Variants in PRKCE observed in about 807,000 individuals in gnomAD.
The protein encoded by PRKCE is protein kinase C epsilon type.
PRKCE carries 16 observed loss-of-function variants against 85.4 expected under a neutral mutation model. The ratio of observed to expected loss-of-function variants is 0.19; its 90% CI spans 0.13 to 0.28. The LOEUF (loss-of-function observed/expected upper bound fraction) is 0.28, where lower values mean the gene tolerates loss of function less well. Among genes scored for constraint, PRKCE ranks in the 10% least tolerant of loss-of-function variants. PRKCE has a pLI of 1.00. For synonymous variants in PRKCE, 388 were observed against 371.5 expected, an observed-to-expected ratio of 1.04 and a Z score of -0.51; for missense variants, 573 against 975.2, an observed-to-expected ratio of 0.59 and a Z score of 5.49.
At chr2:45,784,378 C>A (rs1209900851) in intron 1 of PRKCE, among the ~76,000 whole-genome samples, 1 of 152,218 alleles carries the variant, frequency 6.6e-6, no homozygotes, top group African/African-American at 2.4e-5. Context: ...AGTGGGCTGG[C>A]TGTGAATCTA....
intron 2 of PRKCE, among the ~76,000 whole-genome samples, chr2:45,868,400 A>T (rs899047103): frequency 1.3e-5 from 2 of 150,430 alleles, no homozygotes; most frequent in Non-Finnish European, 3.0e-5. Flanking sequence ...GATTAAATGA[A>T]TGTACACTAA....
chr2:45,908,739 G>A (rs1697167801), intron 2 of PRKCE, among the ~76,000 whole-genome samples: 1 of 152,152 alleles, frequency 6.6e-6, no homozygotes, highest in African/African-American at 2.4e-5. Context: ...GGAAGAGGCC[G>A]ATAAGGTCCC....
chr2:46,058,634 G>A (rs925833869), intron 10 of PRKCE, among the ~76,000 whole-genome samples: 1 of 152,112 alleles, frequency 6.6e-6, no homozygotes, highest in Non-Finnish European at 1.5e-5. Flanking sequence ...ATCAAGACAG[G>A]CCTCGACACT....
At chr2:46,147,847 G>A (rs1248739324) in intron 12 of PRKCE, among the ~76,000 whole-genome samples, 1 of 152,208 alleles carries the variant, frequency 6.6e-6, no homozygotes, top group African/African-American at 2.4e-5. Flanking sequence ...GACCACAAAT[G>A]TACACATGAG....
intron 2 of PRKCE, among the ~76,000 whole-genome samples, chr2:45,863,279 C>T (rs1189198535): frequency 4.6e-5 from 7 of 152,186 alleles, no homozygotes; most frequent in Non-Finnish European, 8.8e-5. Flanking sequence ...ACTGTGTTGC[C>T]TATATAATGT....
At chr2:45,853,812 T>C (rs1027920321) in intron 2 of PRKCE, among the ~76,000 whole-genome samples, 50 of 152,220 alleles carry the variant, frequency 3.3e-4, no homozygotes, top group Non-Finnish European at 5.7e-4. Flanking sequence ...TGGATCTGAA[T>C]GTTTAAGCTT....
In PRKCE at chr2:45,905,918, G is replaced by C. The variant is rs770766090; in HGVS notation, c.412+62855G>C. On this transcript the variant is annotated intron_variant, in intron 2 of 14. Coordinates refer to ENST00000306156, the MANE Select transcript of PRKCE (RefSeq NM_005400.3). This position sits in a 1 kb window ranked among gnomAD's most constrained non-coding sequence, Gnocchi z 4.4. ...CCTGGGAGGAAGGATGTGCTTGTGC[G>C]GGGTATGGTGTCTGCCCACATGAAG... 1.3e-5 allele frequency among the ~76,000 whole-genome samples: 2 copies of C among 152,206 alleles called. No homozygotes were observed. Among genetic ancestry groups the C allele is most frequent in the African/African-American group, 2.4e-5 (1 of 41,444 alleles).
chr2:45,676,582 G>A (rs917143299), intron 1 of PRKCE, among the ~76,000 whole-genome samples: 1 of 152,240 alleles, frequency 6.6e-6, no homozygotes, highest in African/African-American at 2.4e-5. Flanking sequence ...AAGTAGCCCA[G>A]TCCGTACAAA....
intron 10 of PRKCE, among the ~76,000 whole-genome samples, chr2:46,065,491 C>A (rs1377160980): frequency 6.6e-6 from 1 of 152,162 alleles, no homozygotes; most frequent in Non-Finnish European, 1.5e-5. Context: ...AAGAACACAA[C>A]AATTTTGGTA....
At chr2:45,757,720 G>GT (rs1049131354) in intron 1 of PRKCE, among the ~76,000 whole-genome samples, 8 of 152,094 alleles carry the variant, frequency 5.3e-5, no homozygotes, top group African/African-American at 1.9e-4. Flanking sequence ...TTCAATGCAA[G>GT]TCAGTTAAAC....
intron 1 of PRKCE, among the ~76,000 whole-genome samples, chr2:45,715,494 C>G (rs988200329): frequency 2.6e-5 from 4 of 152,188 alleles, no homozygotes; most frequent in African/African-American, 9.7e-5. Flanking sequence ...GAAATCCCTC[C>G]CCTCTTGCTT....
chr2:45,718,622 A>G (rs1022206322), intron 1 of PRKCE, among the ~76,000 whole-genome samples: 3 of 152,108 alleles, frequency 2.0e-5, no homozygotes, highest in Non-Finnish European at 4.4e-5. Flanking sequence ...GATTATAGGC[A>G]TGAGCCACTG....
intron 2 of PRKCE, among the ~76,000 whole-genome samples, chr2:45,890,703 A>G (rs1197451258): frequency 2.0e-5 from 3 of 152,168 alleles, no homozygotes; most frequent in Non-Finnish European, 2.9e-5. Context: ...TCTAAACATC[A>G]TAGTAATATG....
chr2:45,748,819 T>C (rs950628416), intron 1 of PRKCE, among the ~76,000 whole-genome samples: 1 of 152,130 alleles, frequency 6.6e-6, no homozygotes, highest in Admixed American at 6.5e-5. Flanking sequence ...ATGAGAGATG[T>C]TGTGCCTTTG....
intron 10 of PRKCE, among the ~76,000 whole-genome samples, chr2:46,066,577 T>C (rs1667644477): frequency 6.6e-6 from 1 of 152,238 alleles, no homozygotes; most frequent in African/African-American, 2.4e-5. Context: ...AAGTTATTTC[T>C]AGTGCTTGGG....
rs138647123 is a variant in PRKCE, at chr2:46,064,568, C to T, written c.1438-21640C>T. ...TTTCATCAGCAGCTTGCACCAGAAGCAGAGTCTGACTGAATATTATCTCCT... is the reference window on the plus strand; with the variant it reads ...TTTCATCAGCAGCTTGCACCAGAAGTAGAGTCTGACTGAATATTATCTCCT... On this transcript the variant is annotated intron_variant, in intron 10 of 14. Transcript: ENST00000306156. Among the ~76,000 whole-genome samples, 140 of 152,288 alleles carry T rather than the reference C, an allele frequency of 9.2e-4. 1 individual carries two copies. The highest frequency in any genetic ancestry group is 3.4e-3 in the African/African-American group (140 of 41,552).
rs150553435 is a variant in PRKCE at position 46,007,082 on chromosome 2, A to G, written c.1064-380A>G. On this transcript the variant is annotated intron_variant, in intron 8 of 14. Coordinates refer to ENST00000306156, the MANE Select transcript of PRKCE (RefSeq NM_005400.3). ...TTCGTTGTTCTCATCTTCAGAGGAA[A>G]CTTGAAGGATACCTGTGACTCTGCA... Among the ~76,000 whole-genome samples, 9 of 152,306 alleles carry G rather than the reference A, an allele frequency of 5.9e-5. No individual in the cohort carries two copies. The East Asian group carries it at 1.7e-3, about 29-fold the overall frequency.
chr2:46,154,746 T>G (rs1013285047), intron 13 of PRKCE, among the ~76,000 whole-genome samples: 1 of 151,940 alleles, frequency 6.6e-6, no homozygotes, highest in Non-Finnish European at 1.5e-5. Context: ...TTTTTTTTTT[T>G]TTTACAAAAA....
chr2:45,891,400 C>T (rs1268772483), intron 2 of PRKCE, among the ~76,000 whole-genome samples: 1 of 152,210 alleles, frequency 6.6e-6, no homozygotes, highest in East Asian at 1.9e-4. Flanking sequence ...TGCCATGCCA[C>T]AGGAAAGTCG....
Sources: gnomAD v4.1 joint callset for allele counts (sites outside exome capture counted in the v4.1 genomes callset) on GRCh38, gnomAD v4.1.1 for gene constraint, Gnocchi (gnomAD v3.1) non-coding constraint, MANE v1.5 for transcripts, NCBI Gene and HGNC (gene_info 2026-07-23, HGNC 2026-07-21) for gene names.